RFC3: variants seen among roughly 807,000 people sequenced by gnomAD.
RFC3 encodes A1 38 kDa subunit.
A neutral mutation model predicts 45.1 loss-of-function variants in RFC3; 41 were observed. The ratio of observed to expected loss-of-function variants is 0.91; its 90% CI spans 0.71 to 1.18. The LOEUF (loss-of-function observed/expected upper bound fraction) is 1.18. RFC3 is among the 50% of genes most tolerant of loss of function. The pLI is 0.00. For missense variants in RFC3, 423 were observed against 428.1 expected (o/e 0.99, Z 0.10); for synonymous variants, 149 against 144.0 (o/e 1.03, Z -0.25).
intron 8 of RFC3, among the ~76,000 whole-genome samples, chr13:33,851,982 T>C (rs1208240798): frequency 6.6e-6 from 1 of 152,198 alleles, no homozygotes; most frequent in Non-Finnish European, 1.5e-5. Flanking sequence ...GACATTGATA[T>C]TGTGAAACAT....
chr13:33,821,414 A>C, intron 2 of RFC3, 145 bp downstream of exon 2: 1 of 771,312 alleles, frequency 1.3e-6, no homozygotes, highest in Non-Finnish European at 2.1e-6. Context: ...AGGATTTGAG[A>C]GCTACTGATA....
At chr13:33,839,444 C>T (rs2082181301), downstream of RFC3, among the ~76,000 whole-genome samples, 1 of 152,198 alleles carries the variant, frequency 6.6e-6, no homozygotes, top group Admixed American at 6.5e-5. Context: ...ACATTTTTTA[C>T]TGGCCAAGTG....
Position 33,909,949 on chromosome 13 carries a change from G to A in RFC3, c.880-56138G>A, listed in dbSNP as rs997299959. Reference sequence around the variant, plus strand: ...GTCTGGGAAGGTCTATCATAAAAAGGTAGTAACCTTTTCAGCAAAGGACAT... The same window carrying A: ...GTCTGGGAAGGTCTATCATAAAAAGATAGTAACCTTTTCAGCAAAGGACAT... On this transcript the variant is annotated intron_variant, in intron 8 of 8. Transcript: ENST00000434425. Among the ~76,000 whole-genome samples, 16 of 152,078 alleles carry A rather than the reference G, an allele frequency of 1.1e-4. 1 individual carries two copies. The highest frequency in any genetic ancestry group is 7.9e-4 in the Admixed American group (12 of 15,260).
In RFC3 at chr13:33,825,823, G is replaced by A; in HGVS notation, c.328G>A (p.Glu110Lys). 3 of 1,604,846 alleles carry A rather than the reference G, an allele frequency of 1.9e-6. No individual in the cohort carries two copies. The highest frequency in any genetic ancestry group is 2.6e-6 in the Non-Finnish European group (3 of 1,175,428). The stretch of plus-strand genomic sequence containing the variant: ...AAATAGTGACCGAGTAGTCATTCAG[G>A]AGATGTTGAAAACAGTGGCACAATC... ...AGNSDRVVIQ[E>K]MLKTVAQSQQ... The change falls in exon 4 of 9, where the codon GAG becomes AAG. Residue 110 changes from glutamate to lysine, a missense_variant. Physicochemically the swap from Glu to Lys is moderately conservative, Grantham distance 56. Transcript: ENST00000380071.
intron 3 of RFC3, among the ~76,000 whole-genome samples, chr13:33,824,587 TAAAG>T (rs1448908242): frequency 1.3e-4 from 20 of 152,170 alleles, no homozygotes; most frequent in Admixed American, 9.8e-4. Flanking sequence ...TATGAGTTCT[TAAAG>T]GAGAACAGAA....
chr13:33,854,774 G>T (rs1273553916), intron 8 of RFC3, among the ~76,000 whole-genome samples: 1 of 152,136 alleles, frequency 6.6e-6, no homozygotes, highest in Non-Finnish European at 1.5e-5. Flanking sequence ...TGGGAAGAAA[G>T]AACCCACAGT....
At chr13:33,955,368 T>C (rs2083015734) in intron 8 of RFC3, among the ~76,000 whole-genome samples, 1 of 152,140 alleles carries the variant, frequency 6.6e-6, no homozygotes, top group Non-Finnish European at 1.5e-5. Context: ...ATGCTACTAG[T>C]ACAAGCTACA....
rs9570487 is a variant in RFC3, at chr13:33,882,823, C to T, written c.879+47606C>T. On this transcript the variant is annotated intron_variant, in intron 8 of 8. Transcript: ENST00000434425. ...GAATGACCACTAATCTCTCATCATT[C>T]TAATTGTGTCATTTTGAGAATGTTT... is the stretch of plus-strand genomic sequence containing the variant. 3.3e-5 allele frequency among the ~76,000 whole-genome samples: 5 copies of T among 152,336 alleles called. No homozygotes were observed. The East Asian group carries it at 9.6e-4, about 29-fold the overall frequency.
intron 6 of RFC3, 116 bp from the exon 7 acceptor site, chr13:33,831,140 C>T: frequency 1.5e-6 from 1 of 674,300 alleles, no homozygotes; most frequent in Non-Finnish European, 2.6e-6. Flanking sequence ...CTATCCGCTG[C>T]TCACTCCTGC....
chr13:33,966,017 C>G, intron 8 of RFC3: 1 of 1,114,770 alleles, frequency 9.0e-7, no homozygotes, highest in Non-Finnish European at 1.4e-6. Context: ...TCCTTTGTAT[C>G]CTCTATGGAA....
intron 8 of RFC3, among the ~76,000 whole-genome samples, chr13:33,965,194 A>G (rs1304998307): frequency 2.0e-5 from 3 of 152,214 alleles, no homozygotes; most frequent in African/African-American, 4.8e-5. Flanking sequence ...AATGAGGACT[A>G]TAGTCCCAAA....
intron 8 of RFC3, among the ~76,000 whole-genome samples, chr13:33,855,929 T>C (rs2082306441): frequency 6.6e-6 from 1 of 152,224 alleles, no homozygotes. Context: ...ATCTGTTTAG[T>C]TTGCTGATAG....
chr13:33,961,802 T>C lies in RFC3; in HGVS notation c.880-4285T>C, dbSNP rs181884488. Among the ~76,000 whole-genome samples, 390 of 152,322 alleles carry C rather than the reference T, an allele frequency of 2.6e-3. 4 individuals are homozygous for C. Among genetic ancestry groups the C allele is most frequent in the Non-Finnish European group, 4.7e-3 (321 of 68,030 alleles). On this transcript the variant is annotated intron_variant, in intron 8 of 8. Coordinates refer to the RFC3 transcript ENST00000434425. ...GAACATAGAGACCAGAGATTGGAAA[T>C]AGTGCTTTGGAAGCCTTGCATCTCA... is the stretch of plus-strand genomic sequence containing the variant.
chr13:33,972,681 G>A, the RFC3 span, among the ~76,000 whole-genome samples: 1 of 152,112 alleles, frequency 6.6e-6, no homozygotes, highest in Non-Finnish European at 1.5e-5. Context: ...TGGAAATGTA[G>A]CTGGCAATAT....
intron 8 of RFC3, among the ~76,000 whole-genome samples, chr13:33,842,974 T>A (rs1300446672): frequency 6.6e-6 from 1 of 152,226 alleles, no homozygotes; most frequent in Non-Finnish European, 1.5e-5. Flanking sequence ...CTTGTAGTTT[T>A]AAGTGCTGTT....
At chr13:33,928,615 C>G (rs190392908) in intron 8 of RFC3, among the ~76,000 whole-genome samples, 9 of 152,256 alleles carry the variant, frequency 5.9e-5, no homozygotes, top group Admixed American at 5.9e-4. Context: ...CCAACTCTAA[C>G]TTTAGAAGAG....
Position 33,954,460 on chromosome 13 carries a change from A to G in RFC3, c.880-11627A>G, listed in dbSNP as rs2137841531. On this transcript the variant is annotated intron_variant, in intron 8 of 8. Coordinates refer to the RFC3 transcript ENST00000434425. ...ATAATCCTACTATGATTTGAGGTTAATCAGGCCATTATGTGCAAAATTTGA... is the reference window on the plus strand; with the variant it reads ...ATAATCCTACTATGATTTGAGGTTAGTCAGGCCATTATGTGCAAAATTTGA... 1.3e-5 allele frequency among the ~76,000 whole-genome samples: 2 copies of G among 152,358 alleles called. 1 individual carries two copies. Among genetic ancestry groups the G allele is most frequent in the South Asian group, 4.1e-4 (2 of 4,832 alleles).
chr13:33,914,002 T>G (rs1566026159), intron 8 of RFC3, among the ~76,000 whole-genome samples: 1 of 151,292 alleles, frequency 6.6e-6, no homozygotes, highest in Admixed American at 6.6e-5. Context: ...ATGTAATTAC[T>G]GGGGAAACAG....
intron 8 of RFC3, among the ~76,000 whole-genome samples, chr13:33,963,322 G>C (rs1455975691): frequency 6.6e-6 from 1 of 152,192 alleles, no homozygotes; most frequent in African/African-American, 2.4e-5. Context: ...GAGACTCTGT[G>C]TGACCTAATA....
Sources: gnomAD v4.1 joint callset for allele counts (sites outside exome capture counted in the v4.1 genomes callset) on GRCh38, gnomAD v4.1.1 for gene constraint, MANE v1.5 for transcripts, NCBI Gene and HGNC (gene_info 2026-07-23, HGNC 2026-07-21) for gene names.